POGZ: variants seen among roughly 807,000 people sequenced by gnomAD.
The protein encoded by POGZ is pogo transposable element derived with ZNF domain, also known as pogo transposable element with ZNF domain.
In POGZ, 17 loss-of-function variants were observed where a neutral mutation model predicts 134.6. The ratio of observed to expected loss-of-function variants is 0.13; its 90% CI spans 0.09 to 0.19. The LOEUF is 0.19. Among genes scored for constraint, POGZ ranks in the 10% least tolerant of loss-of-function variants. The probability of loss-of-function intolerance (pLI) is 1.00; values close to 1 mark genes in which losing one functional copy is unlikely to be tolerated. For missense variants in POGZ, 1,306 were observed against 1,769.7 expected (o/e 0.74, Z 4.70); for synonymous variants, 693 against 657.1 (o/e 1.05, Z -0.84).
At chr1:151,410,607 T>A (rs554060122) in intron 12 of POGZ, among the ~76,000 whole-genome samples, 2 of 152,312 alleles carry the variant, frequency 1.3e-5, no homozygotes, top group Non-Finnish European at 1.5e-5. Flanking sequence ...GGGGGGCCCA[T>A]GGTATTTAAG....
At chr1:151,436,583 G>A (rs548244748) in intron 3 of POGZ, among the ~76,000 whole-genome samples, 3 of 152,156 alleles carry the variant, frequency 2.0e-5, no homozygotes, top group African/African-American at 7.2e-5. Context: ...AGCTGGGATT[G>A]CAGGCATGCA....
intron 1 of POGZ, among the ~76,000 whole-genome samples, chr1:151,445,488 C>T (rs1224683467): frequency 2.8e-5 from 4 of 144,214 alleles, no homozygotes; most frequent in Non-Finnish European, 5.9e-5. Flanking sequence ...CGCCACTGCA[C>T]TCCAGCCTGG....
At chr1:151,447,690 A>G (rs922301796) in intron 1 of POGZ, among the ~76,000 whole-genome samples, 4 of 105,466 alleles carry the variant, frequency 3.8e-5, no homozygotes, top group Non-Finnish European at 7.3e-5. Flanking sequence ...GGGTCTTACC[A>G]TGTTTCCCAG....
In POGZ at chr1:151,442,121, A is replaced by G; in HGVS notation, c.84T>C (p.Ser28=). The change falls in exon 2 of 19, where the codon TCT becomes TCC. Residue 28 remains serine, a synonymous_variant. Transcript: ENST00000271715. The stretch of plus-strand genomic sequence containing the variant: ...CCACTGAATTATAATCTTCAACTAC[A>G]GAGTCCTCAATGACATCACTGATTT... The part of the protein sequence containing the change: ...WQKISDVIED[S]VVEDYNSVDK... 6.2e-7 allele frequency: 1 copy of G among 1,606,694 alleles called. No individual in the cohort carries two copies. The highest frequency in any genetic ancestry group is 8.5e-7 in the Non-Finnish European group (1 of 1,173,242).
At chr1:151,417,068 C>CTTT (rs562262990) in intron 10 of POGZ, among the ~76,000 whole-genome samples, 3 of 144,974 alleles carry the variant, frequency 2.1e-5, no homozygotes, top group Non-Finnish European at 3.0e-5. Context: ...TCTGTTAGAT[C>CTTT]TTTTTTTTTT....
chr1:151,428,897 T>C (rs1434817606), intron 5 of POGZ, among the ~76,000 whole-genome samples: 2 of 152,144 alleles, frequency 1.3e-5, no homozygotes, highest in Non-Finnish European at 1.5e-5. Flanking sequence ...CTGTAGACAA[T>C]TCCACTGAGA....
intron 2 of POGZ, 44 bp from the exon 3 acceptor site, chr1:151,441,130 T>C: frequency 6.5e-7 from 1 of 1,542,712 alleles, no homozygotes; most frequent in Non-Finnish European, 8.9e-7. Context: ...CAGGGACAGA[T>C]GACACTAAAG....
chr1:151,457,590 G>GC lies in POGZ; in HGVS notation c.-2+1561dup, dbSNP rs1359613786. On this transcript the variant is annotated intron_variant, in intron 1 of 18. Transcript: ENST00000271715. ...CGTTTGCCAACGAGCAGCCCTCCCTGCCCCCTCCGTTTCCCTTTCCTCTAG... is the reference window on the plus strand; with the variant it reads ...CGTTTGCCAACGAGCAGCCCTCCCTGCCCCCCTCCGTTTCCCTTTCCTCTAG... Among the ~76,000 whole-genome samples, 3 of 152,246 alleles carry GC rather than the reference G, an allele frequency of 2.0e-5. No homozygotes were observed. In the South Asian group the frequency reaches 6.2e-4, roughly 32 times the overall value.
rs1003505196 is a variant in POGZ, at chr1:151,405,057, A to T, written c.3978T>A (p.Ala1326=). Residue 1326 remains alanine, a synonymous_variant, in exon 19 of 19, where the codon GCT becomes GCA. Transcript: ENST00000271715. The surrounding 1 kb of genome is among the most constrained non-coding windows in gnomAD (Gnocchi z 4.9). ...TGCCATCGGGGCCAGGCAGAACACT[A>T]GCCACCAGGAAGGAGCGCTGAACTA... ...PELVQRSFLV[A]SVLPGPDGNI... is the part of the protein sequence containing the mutation. 1 of 1,614,192 alleles carries T rather than the reference A, an allele frequency of 6.2e-7. No individual in the cohort carries two copies. The highest frequency in any genetic ancestry group is 2.2e-5 in the East Asian group (1 of 44,888).
In POGZ at chr1:151,427,914, G is replaced by A. The variant is rs751298121; in HGVS notation, c.987C>T (p.Ser329=). The A allele has an allele frequency of 6.2e-7, 1 of 1,614,054 alleles. No homozygotes were observed. The highest frequency in any genetic ancestry group is 8.5e-7 in the Non-Finnish European group (1 of 1,179,962). The change falls in exon 7 of 19, where the codon TCC becomes TCT. Residue 329 remains serine, a synonymous_variant. Coordinates refer to ENST00000271715, the MANE Select transcript of POGZ (RefSeq NM_015100.4). ...CCACTGGCCCAGGACTCTGGCCCAG[G>A]GAAGGGATGGTGTTAAGGGTATTCA... ...KLVNTLNTIP[S]LGQSPGPVVV...
At chr1:151,454,791 T>G (rs1182276210) in intron 1 of POGZ, among the ~76,000 whole-genome samples, 2 of 152,182 alleles carry the variant, frequency 1.3e-5, no homozygotes, top group African/African-American at 4.8e-5. Context: ...TCTTTTCTGC[T>G]CTCCTCCCCT....
chr1:151,428,684 A>G (rs944769611), intron 5 of POGZ, among the ~76,000 whole-genome samples: 2 of 152,200 alleles, frequency 1.3e-5, no homozygotes, highest in Non-Finnish European at 2.9e-5. Flanking sequence ...TAAGAATACA[A>G]TCAGTGGCTT....
At position 151,410,150 on chromosome 1, in the gene POGZ, T is replaced by C. The variant is rs544208778; in HGVS notation, c.1927-1322A>G. ...CTTTCACTCTCCTCTAGTGGCTCTC[T>C]TCTTGTAGTATTTTAAAACGAAGTC... On this transcript the variant is annotated intron_variant, in intron 12 of 18. Coordinates refer to ENST00000271715, the MANE Select transcript of POGZ (RefSeq NM_015100.4). Among the ~76,000 whole-genome samples the C allele has an allele frequency of 5.3e-5, 8 of 152,352 alleles. No homozygotes were observed. The South Asian group carries it at 6.2e-4, about 12-fold the overall frequency.
chr1:151,450,125 G>A (rs781480125), intron 1 of POGZ, among the ~76,000 whole-genome samples: 10 of 142,652 alleles, frequency 7.0e-5, no homozygotes, highest in Non-Finnish European at 1.2e-4. Context: ...TCCGCCTACC[G>A]GGTACAAGTA....
At chr1:151,451,531 G>C (rs1399295382) in intron 1 of POGZ, among the ~76,000 whole-genome samples, 1 of 151,440 alleles carries the variant, frequency 6.6e-6, no homozygotes, top group Non-Finnish European at 1.5e-5. Flanking sequence ...TCATCATGTT[G>C]GTCAGGCTGG....
chr1:151,433,565 G>A (rs574136517), intron 3 of POGZ, among the ~76,000 whole-genome samples: 34 of 136,632 alleles, frequency 2.5e-4, no homozygotes, highest in African/African-American at 9.3e-4. Context: ...CCGAGATCGC[G>A]CCACTGCACT....
At chr1:151,443,240 C>T (rs1385577907) in intron 1 of POGZ, among the ~76,000 whole-genome samples, 1 of 152,132 alleles carries the variant, frequency 6.6e-6, no homozygotes, top group African/African-American at 2.4e-5. Context: ...CTCTGTACTC[C>T]TTTAAATTTT....
chr1:151,414,459 A>C (rs554831814), intron 10 of POGZ, among the ~76,000 whole-genome samples: 4 of 152,332 alleles, frequency 2.6e-5, no homozygotes, highest in African/African-American at 9.6e-5. Flanking sequence ...CTTATTAAGC[A>C]ATTTCTAATG....
In POGZ at chr1:151,405,571, G is replaced by C; in HGVS notation, c.3464C>G (p.Pro1155Arg). ...AATGGCTAGGACTACATCACACCAA[G>C]GTTCCCCTGTGCCCACTGTCTGCAG... The part of the protein sequence containing the change: ...NALQTVGTGE[P>R]WCDVVLAILA... Residue 1155 changes from proline (P) to arginine (R), a missense_variant, in exon 19 of 19, where the codon CCT becomes CGT. Coordinates refer to ENST00000271715, the MANE Select transcript of POGZ (RefSeq NM_015100.4). The surrounding 1 kb of genome is among the most constrained non-coding windows in gnomAD (Gnocchi z 4.9). The C allele has an allele frequency of 6.2e-7, 1 of 1,614,192 alleles. No homozygotes were observed. The highest frequency in any genetic ancestry group is 1.6e-4 in the Middle Eastern group (1 of 6,062).
Sources: gnomAD v4.1 joint callset for allele counts (sites outside exome capture counted in the v4.1 genomes callset) on GRCh38, gnomAD v4.1.1 for gene constraint, Gnocchi (gnomAD v3.1) non-coding constraint, MANE v1.5 for transcripts, NCBI Gene and HGNC (gene_info 2026-07-23, HGNC 2026-07-21) for gene names.